Variants in UBAP2L observed in about 807,000 individuals in gnomAD.
The protein encoded by UBAP2L is ubiquitin associated protein 2 like.
Under a neutral mutation model 130.6 loss-of-function variants are expected in UBAP2L, and 12 were observed. That is an observed-to-expected ratio of 0.09 (90% CI 0.06 to 0.15). The LOEUF is 0.15. UBAP2L is among the 10% of genes least tolerant of loss of function. The pLI is 1.00. For synonymous variants in UBAP2L, 503 were observed against 524.7 expected (o/e 0.96, Z 0.57); for missense variants, 965 against 1,332.5 (o/e 0.72, Z 4.29).
At chr1:154,256,120 A>C (rs1267832620) in intron 18 of UBAP2L, among the ~76,000 whole-genome samples, 1 of 152,244 alleles carries the variant, frequency 6.6e-6, no homozygotes, top group Non-Finnish European at 1.5e-5. Context: ...GAATCAGTGC[A>C]AGGCTGGACA....
At chr1:154,246,964 A>G (rs1675735802) in intron 11 of UBAP2L, among the ~76,000 whole-genome samples, 2 of 152,210 alleles carry the variant, frequency 1.3e-5, no homozygotes, top group South Asian at 2.1e-4. Flanking sequence ...CTTATGACAT[A>G]TTACTTGTTG....
intron 8 of UBAP2L, among the ~76,000 whole-genome samples, chr1:154,239,069 T>G (rs983261164): frequency 1.3e-5 from 2 of 152,102 alleles, no homozygotes; most frequent in African/African-American, 4.8e-5. Flanking sequence ...TGAACATACC[T>G]TCATGCATGG....
intron 8 of UBAP2L, among the ~76,000 whole-genome samples, chr1:154,240,200 G>A (rs909709700): frequency 6.6e-6 from 1 of 152,100 alleles, no homozygotes; most frequent in African/African-American, 2.4e-5. Flanking sequence ...AAATAAGGGT[G>A]CTCTTGTCCC....
intron 4 of UBAP2L, among the ~76,000 whole-genome samples, chr1:154,233,025 T>TTTTTTC (rs1558133047): frequency 1.3e-5 from 2 of 151,258 alleles, no homozygotes; most frequent in East Asian, 3.9e-4. Flanking sequence ...TTTCTTTTTT[T>TTTTTTC]TTTTTTTGAG....
At chr1:154,237,738 C>G (rs1001673934) in intron 8 of UBAP2L, among the ~76,000 whole-genome samples, 1 of 152,154 alleles carries the variant, frequency 6.6e-6, no homozygotes, top group African/African-American at 2.4e-5. Context: ...CCCTGTTGAA[C>G]AGCCTTCTTG....
chr1:154,261,824 T>G, intron 24 of UBAP2L, 127 bp downstream of exon 24: 1 of 905,312 alleles, frequency 1.1e-6, no homozygotes, highest in East Asian at 2.6e-5. Flanking sequence ...GGTATGATTG[T>G]TAATGCTTGG....
chr1:154,259,146 T>C (rs1680646245), intron 21 of UBAP2L, 116 bp downstream of exon 21: 4 of 899,168 alleles, frequency 4.4e-6, no homozygotes, highest in Non-Finnish European at 3.5e-6. Context: ...ACACTCTGAT[T>C]TAAGGCATAT....
intron 11 of UBAP2L, among the ~76,000 whole-genome samples, chr1:154,248,382 C>G (rs1262375447): frequency 5.9e-5 from 9 of 152,050 alleles, no homozygotes; most frequent in African/African-American, 2.2e-4. Context: ...TCCTTTTTGC[C>G]TCTGTGCTAG....
chr1:154,232,424 A>AT (rs1353462823), intron 4 of UBAP2L, among the ~76,000 whole-genome samples: 5 of 152,018 alleles, frequency 3.3e-5, no homozygotes, highest in Admixed American at 6.6e-5. Flanking sequence ...CAAGGTATGC[A>AT]TTTTTTTAAA....
intron 16 of UBAP2L, 128 bp from the exon 17 acceptor site, chr1:154,255,024 C>G (rs1679162863): frequency 7.1e-7 from 1 of 1,407,294 alleles, no homozygotes; most frequent in Admixed American, 2.3e-5. Context: ...AAAAAAGATT[C>G]TACCTAATAT....
chr1:154,268,771 A>G lies in UBAP2L; in HGVS notation c.2985A>G (p.Lys995=). ...CTCCTGGATAGCAGTCCTTTGAGAA[A>G]CAAGGTTTTCATTCCGGTACTCCTG... ...VYSKTQQSFE[K]QGFHSGTPAA... is the part of the protein sequence containing the mutation. Residue 995 remains lysine, a synonymous_variant, in exon 26 of 27, where the codon AAA becomes AAG. Coordinates refer to ENST00000428931, the MANE Select transcript of UBAP2L (RefSeq NM_014847.4). 6.2e-7 allele frequency: 1 copy of G among 1,614,010 alleles called. No homozygotes were observed. Among genetic ancestry groups the G allele is most frequent in the Non-Finnish European group, 8.5e-7 (1 of 1,179,980 alleles).
At chr1:154,230,002 T>G (rs941413578) in intron 4 of UBAP2L, among the ~76,000 whole-genome samples, 2 of 151,880 alleles carry the variant, frequency 1.3e-5, no homozygotes, top group African/African-American at 4.8e-5. Flanking sequence ...TTACAGGCAT[T>G]CACCACCATA....
chr1:154,250,874 A>G (rs1178816255), intron 12 of UBAP2L, among the ~76,000 whole-genome samples, 167 bp from the exon 13 acceptor site: 1 of 151,734 alleles, frequency 6.6e-6, no homozygotes, highest in Non-Finnish European at 1.5e-5. Context: ...AAAAGATGTA[A>G]TCCAGTGATT....
intron 24 of UBAP2L, chr1:154,263,309 A>C (rs1682191419): frequency 7.0e-7 from 1 of 1,433,850 alleles, no homozygotes; most frequent in African/African-American, 1.5e-5. Context: ...TGGGCTTTTG[A>C]ACTTGCCCCT....
chr1:154,261,172 C>T, intron 23 of UBAP2L, 63 bp downstream of exon 23: 1 of 1,525,910 alleles, frequency 6.6e-7, no homozygotes. Context: ...ACTATCCTAG[C>T]TGCTTTTAAG....
chr1:154,245,643 C>T (rs952831689), intron 10 of UBAP2L, among the ~76,000 whole-genome samples: 12 of 152,106 alleles, frequency 7.9e-5, no homozygotes, highest in Non-Finnish European at 1.6e-4. Context: ...GGGTGCGGTG[C>T]GGTGGCTAAC....
chr1:154,222,339 T>G (rs1275107781), intron 1 of UBAP2L, among the ~76,000 whole-genome samples: 1 of 152,196 alleles, frequency 6.6e-6, no homozygotes, highest in African/African-American at 2.4e-5. Context: ...ACTTAAAGAT[T>G]AGACTATCCC....
In UBAP2L at chr1:154,228,656, T is replaced by C. The variant is rs1442062743; in HGVS notation, c.210T>C (p.Ile70=). The change falls in exon 4 of 27, where the codon ATT becomes ATC. Residue 70 remains isoleucine, a synonymous_variant. Transcript: ENST00000428931. The part of the protein sequence containing the change: ...ITGKNQDECV[I]ALHDCNGDVN... ...GCAAGAACCAGGATGAATGTGTGAT[T>C]GCTTTGCATGACTGCAATGGAGATG... 1.2e-6 allele frequency: 2 copies of C among 1,613,776 alleles called. No individual in the cohort carries two copies. The highest frequency in any genetic ancestry group is 1.7e-6 in the Non-Finnish European group (2 of 1,179,868).
At position 154,270,471 on chromosome 1, in the gene UBAP2L, TTGTA is replaced by T. The variant is rs1281689063; in HGVS notation, c.*182_*185del. On this transcript the variant is annotated 3_prime_UTR_variant, in exon 27 of 27. Transcript: ENST00000428931. ...CCATTCCTATACCATCCCCACCCTG[TTGTA>T]TGTATTATAGGATTTGTATTTTCTC... 5 of 1,498,556 alleles carry T rather than the reference TTGTA, an allele frequency of 3.3e-6. No individual in the cohort carries two copies. The highest frequency in any genetic ancestry group is 3.5e-6 in the Non-Finnish European group (4 of 1,128,676). 92.8% of individuals were successfully genotyped at this position (1,498,556 alleles called of 1,614,324 possible).
Sources: allele counts gnomAD v4.1 joint callset (sites outside exome capture counted in the v4.1 genomes callset), GRCh38; gene constraint gnomAD v4.1.1; transcripts MANE v1.5; gene names NCBI Gene and HGNC (gene_info 2026-07-23, HGNC 2026-07-21).